Variants in CUL1 observed in about 807,000 individuals in gnomAD.
CUL1 encodes cullin 1.
CUL1 carries 24 observed loss-of-function variants against 118.0 expected under a neutral mutation model. That is an observed-to-expected ratio of 0.20 (90% confidence interval 0.15 to 0.29). The LOEUF (loss-of-function observed/expected upper bound fraction) is 0.29. Among genes scored for constraint, CUL1 ranks in the 10% least tolerant of loss-of-function variants. The pLI, the probability that CUL1 is intolerant of heterozygous loss-of-function variation, is 1.00. For synonymous variants in CUL1, 332 were observed against 340.4 expected (o/e 0.98, Z 0.27); for missense variants, 361 against 933.8 (o/e 0.39, Z 7.99).
chr7:148,759,198 T>C, intron 4 of CUL1, 106 bp from the exon 5 acceptor site: 1 of 1,117,146 alleles, frequency 9.0e-7, no homozygotes, highest in African/African-American at 1.6e-5. Context: ...CAACTTGTAA[T>C]CTAGAAATTT....
chr7:148,778,112 A>AAG lies in CUL1; in HGVS notation c.1084-5671_1084-5670insAG, dbSNP rs1274489413. Among the ~76,000 whole-genome samples, 31 of 145,142 alleles carry AAG rather than the reference A, an allele frequency of 2.1e-4. No homozygotes were observed. In the East Asian group the frequency reaches 2.9e-3, roughly 14 times the overall value. ...AAAAAAAAAAAGAAGAAGAAGAAGA[A>AAG]TGAGGAAAGAGAGCACTTACTGAAT... On this transcript the variant is annotated intron_variant, in intron 9 of 21. Transcript: ENST00000325222.
chr7:148,783,579 G>GT, intron 9 of CUL1: 4 of 1,483,732 alleles, frequency 2.7e-6, no homozygotes, highest in South Asian at 1.3e-5. Flanking sequence ...AGAATAGATT[G>GT]TTTTTTCTTT....
chr7:148,732,714 G>A (rs243513), intron 2 of CUL1, among the ~76,000 whole-genome samples: 36,490 of 151,868 alleles, frequency 0.24, 5,169 homozygotes, highest in South Asian at 0.39. Flanking sequence ...CTCATAAGGC[G>A]GTGAGACTTT....
chr7:148,708,803 T>A (rs1349910425), intron 1 of CUL1, among the ~76,000 whole-genome samples: 5 of 152,204 alleles, frequency 3.3e-5, no homozygotes, highest in Non-Finnish European at 5.9e-5. Context: ...GGAATGTGAT[T>A]TCTAGTAACA....
chr7:148,702,187 AACAC>A (rs563802136), intron 1 of CUL1, among the ~76,000 whole-genome samples: 18 of 152,344 alleles, frequency 1.2e-4, no homozygotes, highest in Middle Eastern at 3.4e-3. Flanking sequence ...AGATTTAGTA[AACAC>A]ACTATAAACA....
chr7:148,744,397 AGTGTGTGTGTGTGTGTGTGTGTGT>A (rs56093418), intron 2 of CUL1, among the ~76,000 whole-genome samples: 4 of 144,084 alleles, frequency 2.8e-5, no homozygotes, highest in East Asian at 2.0e-4. Flanking sequence ...TTGTTTCTGC[AGTGTGTGTGTGTGTGTGTGTGTGT>A]GTGTGTGTGT....
intron 9 of CUL1, among the ~76,000 whole-genome samples, chr7:148,782,579 A>G (rs1025136464): frequency 5.3e-5 from 8 of 152,184 alleles, no homozygotes; most frequent in Non-Finnish European, 1.2e-4. Context: ...TGGAGACCAT[A>G]TTTATATCTT....
rs151287449 is a variant in CUL1, at chr7:148,705,145, A to G, written c.-162+6116A>G. Among the ~76,000 whole-genome samples, 976 of 152,276 alleles carry G rather than the reference A, an allele frequency of 6.4e-3. 4 individuals carry two copies. Among genetic ancestry groups the G allele is most frequent in the Non-Finnish European group, 9.8e-3 (664 of 68,006 alleles). On this transcript the variant is annotated intron_variant, in intron 1 of 21. Coordinates refer to ENST00000325222, the MANE Select transcript of CUL1 (RefSeq NM_003592.3). ...TTAGTCCCCTCATTTAATGCCCTCCATGAAACTGTCCTAATCTCATGAAAC... is the reference window on the plus strand; with the variant it reads ...TTAGTCCCCTCATTTAATGCCCTCCGTGAAACTGTCCTAATCTCATGAAAC...
intron 17 of CUL1, among the ~76,000 whole-genome samples, chr7:148,795,939 C>T (rs1801184560): frequency 6.6e-6 from 1 of 151,106 alleles, no homozygotes; most frequent in South Asian, 2.1e-4. Flanking sequence ...GGCAGTTTTG[C>T]TTCTTCCTTT....
chr7:148,735,015 G>A (rs1300085483), intron 2 of CUL1, among the ~76,000 whole-genome samples: 2 of 151,846 alleles, frequency 1.3e-5, no homozygotes, highest in East Asian at 3.9e-4. Context: ...CTGTTCCTTA[G>A]CCTGTTTTTT....
intron 16 of CUL1, 31 bp from the exon 17 acceptor site, chr7:148,792,695 T>A: frequency 6.4e-7 from 1 of 1,563,672 alleles, no homozygotes; most frequent in Non-Finnish European, 8.7e-7. Flanking sequence ...TAAATTTTCC[T>A]TCTTTTTCTT....
chr7:148,780,497 G>A (rs758880), intron 9 of CUL1, among the ~76,000 whole-genome samples: 69,067 of 152,136 alleles, frequency 0.45, 16,262 homozygotes, highest in Non-Finnish European at 0.52. Context: ...TGCCTGGCTC[G>A]AGCCGCTGGG....
At position 148,767,710 on chromosome 7, in the gene CUL1, T is replaced by G. The variant is rs147712626; in HGVS notation, c.1044T>G (p.Gly348=). The change falls in exon 9 of 22, where the codon GGT becomes GGG. Residue 348 remains glycine, a synonymous_variant. Coordinates refer to ENST00000325222, the MANE Select transcript of CUL1 (RefSeq NM_003592.3). ...KLLETHIHNQ[G]LAAIEKCGEA... ...TGGAGACACACATTCATAATCAGGG[T>G]CTTGCAGCCATTGAAAAGTGTGGAG... 9.7e-5 allele frequency: 156 copies of G among 1,613,780 alleles called. No individual in the cohort carries two copies. The highest frequency in any genetic ancestry group is 1.3e-4 in the Non-Finnish European group (153 of 1,179,896).
intron 16 of CUL1, 119 bp downstream of exon 16, chr7:148,790,560 T>C (rs1197886858): frequency 4.6e-6 from 4 of 863,456 alleles, no homozygotes; most frequent in Non-Finnish European, 7.1e-6. Flanking sequence ...GGTGAAATAG[T>C]GGCAGGTTTA....
rs1798710766 is a variant in CUL1 at position 148,730,149 on chromosome 7, C to T, written c.27C>T (p.Pro9=). 1 of 1,613,970 alleles carries T rather than the reference C, an allele frequency of 6.2e-7. No individual in the cohort carries two copies. Among genetic ancestry groups the T allele is most frequent in the South Asian group, 1.1e-5 (1 of 91,072 alleles). ...TGTCGTCAACCCGGAGCCAGAACCC[C>T]CACGGCCTGAAGCAGATTGGCCTGG... The part of the protein sequence containing the change: MSSTRSQN[P]HGLKQIGLDQ... Residue 9 remains proline, a synonymous_variant, in exon 2 of 22, where the codon CCC becomes CCT. Coordinates refer to ENST00000325222, the MANE Select transcript of CUL1 (RefSeq NM_003592.3).
chr7:148,726,502 G>T (rs1484692296), intron 1 of CUL1, among the ~76,000 whole-genome samples: 1 of 152,120 alleles, frequency 6.6e-6, no homozygotes, highest in African/African-American at 2.4e-5. Context: ...AATTGGAGAT[G>T]TTGAGGTTTC....
At chr7:148,712,495 T>C (rs1798082951) in intron 1 of CUL1, among the ~76,000 whole-genome samples, 1 of 152,222 alleles carries the variant, frequency 6.6e-6, no homozygotes, top group Admixed American at 6.5e-5. Context: ...AAAGGTATTG[T>C]GGAGTTTTCA....
At chr7:148,783,265 A>T (rs1800704125) in intron 9 of CUL1, 7 of 929,816 alleles carry the variant, frequency 7.5e-6, no homozygotes, top group Non-Finnish European at 9.0e-6. Flanking sequence ...CCGTCCTGCG[A>T]TGAGGCCCTG....
intron 1 of CUL1, among the ~76,000 whole-genome samples, chr7:148,713,733 ATAT>A (rs1376883167): frequency 2.0e-5 from 3 of 152,032 alleles, no homozygotes; most frequent in African/African-American, 7.3e-5. Context: ...TATTATATAT[ATAT>A]TTTTTGAGAT....
Sources: allele counts gnomAD v4.1 joint callset (sites outside exome capture counted in the v4.1 genomes callset), GRCh38; gene constraint gnomAD v4.1.1; transcripts MANE v1.5; gene names NCBI Gene and HGNC (gene_info 2026-07-23, HGNC 2026-07-21).